Variants in PLEKHA8 observed in about 807,000 individuals in gnomAD.
PLEKHA8 encodes the protein pleckstrin homology domain containing A8, also known as pleckstrin homology domain-containing family A member 8.
PLEKHA8 carries 36 observed loss-of-function variants against 68.2 expected under a neutral mutation model. The observed-to-expected ratio is 0.53, with a 90% confidence interval of 0.40 to 0.70. PLEKHA8 has a LOEUF of 0.70. Ranked by LOEUF, PLEKHA8 falls within the 30% of genes least tolerant of loss-of-function variation. The pLI, the probability that PLEKHA8 is intolerant of heterozygous loss-of-function variation, is 0.00. For missense variants in PLEKHA8, 505 were observed against 615.4 expected (o/e 0.82, Z 1.90); for synonymous variants, 211 against 216.1 (o/e 0.98, Z 0.20).
chr7:30,116,157 CGTATACATGTGTATACATAT>C (rs982649809), intron 13 of PLEKHA8, among the ~76,000 whole-genome samples: 7 of 151,190 alleles, frequency 4.6e-5, no homozygotes, highest in African/African-American at 1.7e-4. Flanking sequence ...CATACATACA[CGTATACATGTGTATACATAT>C]GTATACATAC....
intron 12 of PLEKHA8, among the ~76,000 whole-genome samples, chr7:30,063,911 G>A (rs1438450163): frequency 6.6e-6 from 1 of 152,154 alleles, no homozygotes; most frequent in Non-Finnish European, 1.5e-5. Context: ...TGGGCCACCT[G>A]CATTTTTACA....
intron 9 of PLEKHA8, among the ~76,000 whole-genome samples, chr7:30,056,312 C>CTCTCTCTCTCTCTCTCTCTATA (rs796845171): frequency 3.2e-5 from 3 of 94,552 alleles, no homozygotes; most frequent in Non-Finnish European, 2.1e-5. Context: ...CTCTCTCTCT[C>CTCTCTCTCTCTCTCTCTCTATA]TATATATATA....
chr7:30,115,270 A>G (rs1425233683), intron 13 of PLEKHA8, among the ~76,000 whole-genome samples: 2 of 152,190 alleles, frequency 1.3e-5, no homozygotes, highest in East Asian at 1.9e-4. Context: ...CACCCTTTAA[A>G]AAAAGTATGA....
chr7:30,072,340 G>C (rs535755762), intron 12 of PLEKHA8, among the ~76,000 whole-genome samples: 1 of 152,158 alleles, frequency 6.6e-6, no homozygotes, highest in Admixed American at 6.5e-5. Flanking sequence ...TATGTATTGA[G>C]TATGTATTTT....
chr7:30,065,952 A>ACT (rs74418129), intron 12 of PLEKHA8, among the ~76,000 whole-genome samples: 27,331 of 152,056 alleles, frequency 0.18, 2,581 homozygotes, highest in African/African-American at 0.24. Flanking sequence ...TGAATCAGAC[A>ACT]CTGAGGCTGG....
At chr7:30,118,109 C>A in intron 13 of PLEKHA8, 2 of 1,261,708 alleles carry the variant, frequency 1.6e-6, no homozygotes, top group South Asian at 1.9e-5. Context: ...AGGGGATCAG[C>A]CTGGACTAAA....
chr7:30,056,347 AAT>A (rs1792915408), intron 9 of PLEKHA8, among the ~76,000 whole-genome samples: 6 of 127,956 alleles, frequency 4.7e-5, no homozygotes, highest in South Asian at 2.4e-4. Flanking sequence ...ACATATATAT[AAT>A]ATATATAACA....
chr7:30,079,817 T>C lies in PLEKHA8; in HGVS notation c.*1030T>C. The C allele has an allele frequency of 2.2e-6, 2 of 903,260 alleles. No homozygotes were observed. The highest frequency in any genetic ancestry group is 2.6e-6 in the Non-Finnish European group (2 of 755,386). The allele number at this position is 903,260 out of a possible 1,614,324, so 56.0% of individuals were successfully genotyped here. A position where few individuals can be genotyped will look rare whatever the true frequency, so the allele number is the denominator to read the frequency against. The stretch of plus-strand genomic sequence containing the variant: ...CAGTAAACTTTACACGTGATTCTTC[T>C]GCACACAGTATTGAAGAGCAACTAG... On this transcript the variant is annotated 3_prime_UTR_variant, in exon 14 of 14. Transcript: ENST00000449726.
intron 9 of PLEKHA8, among the ~76,000 whole-genome samples, chr7:30,056,359 A>T (rs1247869362): frequency 7.7e-6 from 1 of 130,676 alleles, no homozygotes; most frequent in Non-Finnish European, 1.6e-5. Context: ...TATATATAAC[A>T]CATATATATA....
intron 13 of PLEKHA8, chr7:30,115,905 TACATGCATGCGTGCGTGTAC>T (rs1461498006): frequency 7.3e-6 from 1 of 136,592 alleles, no homozygotes; most frequent in Non-Finnish European, 1.6e-5. Context: ...CATGCATGTA[TACATGCATGCGTGCGTGTAC>T]ATACATGTAT....
At chr7:30,086,449 C>T (rs1342840563), downstream of PLEKHA8, among the ~76,000 whole-genome samples, 3 of 152,110 alleles carry the variant, frequency 2.0e-5, no homozygotes, top group Non-Finnish European at 4.4e-5. Context: ...TCAGCTGTAC[C>T]CTTTGGGGTG....
In PLEKHA8 at chr7:30,084,007, T is replaced by C; in HGVS notation, c.*5220T>C. On this transcript the variant is annotated 3_prime_UTR_variant, in exon 14 of 14. Transcript: ENST00000449726. ...CTATGAGCCAGTTCCATGGCATGTT[T>C]AATGTATAATTCCCATGTATCATGA... is the stretch of plus-strand genomic sequence containing the variant. 1.0e-6 allele frequency: 1 copy of C among 985,452 alleles called. No individual in the cohort carries two copies. The highest frequency in any genetic ancestry group is 1.2e-6 in the Non-Finnish European group (1 of 829,918). The allele number at this position is 985,452 out of a possible 1,614,324, so 61.0% of individuals were successfully genotyped here. A position where few individuals can be genotyped will look rare whatever the true frequency, so the allele number is the denominator to read the frequency against.
chr7:30,082,509 AATG>A lies in PLEKHA8; in HGVS notation c.*3724_*3726del. On this transcript the variant is annotated 3_prime_UTR_variant, in exon 14 of 14. Transcript: ENST00000449726. ...CCCATTTGTAGCTGGAAAGCGGGTG[AATG>A]ACATGACATGGGGCACCTAGGAAAG... The A allele has an allele frequency of 6.1e-6, 6 of 985,374 alleles. No homozygotes were observed. Among genetic ancestry groups the A allele is most frequent in the Non-Finnish European group, 7.2e-6 (6 of 829,930 alleles). The allele number at this position is 985,374 out of a possible 1,614,324, so 61.0% of individuals were successfully genotyped here.
At chr7:30,046,885 T>C (rs1202364079) in intron 3 of PLEKHA8, among the ~76,000 whole-genome samples, 1 of 152,156 alleles carries the variant, frequency 6.6e-6, no homozygotes, top group African/African-American at 2.4e-5. Context: ...CAGGTTCCTG[T>C]TGCTTAATGC....
chr7:30,028,755 C>T lies in PLEKHA8; in HGVS notation c.-8C>T. The T allele has an allele frequency of 7.9e-7, 1 of 1,263,322 alleles. No individual in the cohort carries two copies. The highest frequency in any genetic ancestry group is 1.0e-6 in the Non-Finnish European group (1 of 998,496). 78.3% of individuals were successfully genotyped at this position (1,263,322 alleles called of 1,614,324 possible). A position where few individuals can be genotyped will look rare whatever the true frequency, so the allele number is the denominator to read the frequency against. ...CCGGCGGGCGTGGGCCGAGTGGCCG[C>T]GGGCGCCATGGAGGGGGTGCTGTAC... On this transcript the variant is annotated 5_prime_UTR_variant, in exon 1 of 14. Coordinates refer to ENST00000449726, the MANE Select transcript of PLEKHA8 (RefSeq NM_001197026.2).
intron 1 of PLEKHA8, among the ~76,000 whole-genome samples, chr7:30,030,110 A>C (rs991620469): frequency 6.6e-6 from 1 of 152,174 alleles, no homozygotes; most frequent in Admixed American, 6.5e-5. Flanking sequence ...CTGCTAACCT[A>C]AGGGGAGGAG....
At chr7:30,049,495 G>A (rs971480757) in intron 5 of PLEKHA8, 113 bp downstream of exon 5, 4 of 1,354,380 alleles carry the variant, frequency 3.0e-6, no homozygotes, top group Non-Finnish European at 4.0e-6. Context: ...GTTTTTTAAT[G>A]GACTTTGCTC....
At chr7:30,060,316 C>G (rs1194383768) in intron 9 of PLEKHA8, among the ~76,000 whole-genome samples, 1 of 151,694 alleles carries the variant, frequency 6.6e-6, no homozygotes, top group Non-Finnish European at 1.5e-5. Context: ...TGGTGGGCAT[C>G]TGTAATCTCA....
At chr7:30,062,924 C>A (rs1360140818) in intron 12 of PLEKHA8, among the ~76,000 whole-genome samples, 182 bp downstream of exon 12, 2 of 152,106 alleles carry the variant, frequency 1.3e-5, no homozygotes, top group Non-Finnish European at 2.9e-5. Flanking sequence ...GAGACAATGA[C>A]CTGGTAATCT....
Sources: gnomAD v4.1 joint callset for allele counts (sites outside exome capture counted in the v4.1 genomes callset) on GRCh38, gnomAD v4.1.1 for gene constraint, MANE v1.5 for transcripts, NCBI Gene and HGNC (gene_info 2026-07-23, HGNC 2026-07-21) for gene names.